The following IRAG1 variants were observed in gnomAD, a reference collection of about 807,000 sequenced individuals.
The protein encoded by IRAG1 is IP3R-associated cGMP kinase substrate.
Under a neutral mutation model 106.2 loss-of-function variants are expected in IRAG1, and 62 were observed. The observed-to-expected ratio is 0.58, with a 90% CI of 0.48 to 0.72. The LOEUF (loss-of-function observed/expected upper bound fraction) is 0.72, where lower values mean the gene tolerates loss of function less well. IRAG1 is among the 30% of genes least tolerant of loss of function. IRAG1 has a pLI of 0.00. For missense variants in IRAG1, 1,064 were observed against 1,140.7 expected (o/e 0.93, Z 0.97); for synonymous variants, 462 against 443.9 (o/e 1.04, Z -0.51).
rs1182237559 is a variant in IRAG1 at position 10,603,181 on chromosome 11, A to G, written c.1814T>C (p.Val605Ala). 2 of 1,611,208 alleles carry G rather than the reference A, an allele frequency of 1.2e-6. No homozygotes were observed. Among genetic ancestry groups the G allele is most frequent in the Non-Finnish European group, 1.7e-6 (2 of 1,178,792 alleles). ...TYQKLLEDIA[V>A]LHRLAARLSS... ...GAGGCGGGCAGCCAGGCGGTGCAGGACAGCGATGTCCTCCAGCAACTTCTG... is the reference window on the plus strand; with the variant it reads ...GAGGCGGGCAGCCAGGCGGTGCAGGGCAGCGATGTCCTCCAGCAACTTCTG... The change falls in exon 14 of 21, where the codon GTC becomes GCC. Residue 605 changes from valine (V) to alanine (A), a missense_variant. Coordinates refer to ENST00000423302, the MANE Select transcript of IRAG1 (RefSeq NM_130385.4).
In IRAG1 at chr11:10,693,648, C is replaced by G; in HGVS notation, c.-46G>C. 1 of 1,532,666 alleles carries G rather than the reference C, an allele frequency of 6.5e-7. No individual in the cohort carries two copies. The highest frequency in any genetic ancestry group is 8.7e-7 in the Non-Finnish European group (1 of 1,145,784). The allele number at this position is 1,532,666 out of a possible 1,614,324, so 94.9% of individuals were successfully genotyped here. Reference sequence around the variant, plus strand: ...GGCTCCGGAGCTCAGAGCCGAGAAGCCTCTGGCTGCAGAACCTCGGCCGCA... The same window carrying G: ...GGCTCCGGAGCTCAGAGCCGAGAAGGCTCTGGCTGCAGAACCTCGGCCGCA... On this transcript the variant is annotated 5_prime_UTR_variant, in exon 1 of 21. Transcript: ENST00000423302.
chr11:10,666,874 G>A (rs1301825922), intron 1 of IRAG1, among the ~76,000 whole-genome samples: 2 of 152,128 alleles, frequency 1.3e-5, no homozygotes, highest in Admixed American at 1.3e-4. Flanking sequence ...TAGGCACTGG[G>A]AAATCACTGG....
chr11:10,610,320 T>A (rs1403101422), intron 10 of IRAG1, among the ~76,000 whole-genome samples: 1 of 152,384 alleles, frequency 6.6e-6, no homozygotes, highest in Non-Finnish European at 1.5e-5. Context: ...TCTGATTCCA[T>A]ACCCCATAGA....
chr11:10,635,511 C>T (rs1406472067), intron 2 of IRAG1, among the ~76,000 whole-genome samples: 1 of 152,236 alleles, frequency 6.6e-6, no homozygotes, highest in Non-Finnish European at 1.5e-5. Context: ...CCACTAGCCC[C>T]ACTGGCGGTG....
At chr11:10,687,229 G>T (rs899010137) in intron 1 of IRAG1, among the ~76,000 whole-genome samples, 1 of 152,194 alleles carries the variant, frequency 6.6e-6, no homozygotes, top group African/African-American at 2.4e-5. Flanking sequence ...GACCAGCCTT[G>T]CAAGTGGGCT....
intron 18 of IRAG1, among the ~76,000 whole-genome samples, chr11:10,591,236 T>TA (rs1852628937): frequency 6.6e-6 from 1 of 152,190 alleles, no homozygotes; most frequent in Non-Finnish European, 1.5e-5. Context: ...CCTCTGGACT[T>TA]AATTAAGTCC....
Position 10,604,357 on chromosome 11 carries a change from G to A in IRAG1, c.1743+48C>T, listed in dbSNP as rs772523106. The A allele has an allele frequency of 3.1e-6, 5 of 1,611,264 alleles. No individual in the cohort carries two copies. The East Asian group carries it at 8.9e-5, about 29-fold the overall frequency. On this transcript the variant is annotated intron_variant, in intron 13 of 20. Coordinates refer to ENST00000423302, the MANE Select transcript of IRAG1 (RefSeq NM_130385.4). ...AGCATGACACCCTGTATGGCCCTTGGGGACAGTCTCTGCTCCAGGGATTCC... is the reference window on the plus strand; with the variant it reads ...AGCATGACACCCTGTATGGCCCTTGAGGACAGTCTCTGCTCCAGGGATTCC...
chr11:10,669,235 T>G (rs1860026760), intron 1 of IRAG1, among the ~76,000 whole-genome samples: 1 of 152,188 alleles, frequency 6.6e-6, no homozygotes. Context: ...AGAAGAGAAC[T>G]AGGATTTCCA....
intron 9 of IRAG1, among the ~76,000 whole-genome samples, chr11:10,624,558 C>T (rs1184159653): frequency 1.3e-5 from 2 of 152,126 alleles, no homozygotes; most frequent in African/African-American, 4.8e-5. Context: ...GCCCCTGTGA[C>T]TTATGGATCT....
intron 1 of IRAG1, among the ~76,000 whole-genome samples, chr11:10,673,704 A>C (rs539007424): frequency 6.6e-6 from 1 of 152,294 alleles, no homozygotes; most frequent in African/African-American, 2.4e-5. Context: ...TCCATTAAAA[A>C]AAAAAGAGAA....
At chr11:10,631,649 C>T (rs935719830) in intron 4 of IRAG1, among the ~76,000 whole-genome samples, 4 of 152,194 alleles carry the variant, frequency 2.6e-5, no homozygotes, top group African/African-American at 9.7e-5. Context: ...GGGCAGCCGG[C>T]CTTACACTCA....
chr11:10,618,751 G>T (rs1004232089), intron 10 of IRAG1, among the ~76,000 whole-genome samples: 3 of 152,212 alleles, frequency 2.0e-5, no homozygotes, highest in Admixed American at 1.3e-4. Flanking sequence ...CCGAAGGCAG[G>T]CCAAAATATT....
rs1190586624 is a variant in IRAG1, at chr11:10,629,725, A to G, written c.401-14T>C. 4.3e-6 allele frequency: 7 copies of G among 1,611,016 alleles called. No individual in the cohort carries two copies. In the African/African-American group the frequency reaches 9.4e-5, roughly 22 times the overall value. The stretch of plus-strand genomic sequence containing the variant: ...GCCCCGCGGGGTCTGCAGAAGGAGG[A>G]TGAGCTGGGGTGAGAGCCACTGCAT... On this transcript the variant is annotated splice_polypyrimidine_tract_variant and intron_variant, in intron 4 of 20. Transcript: ENST00000423302.
intron 1 of IRAG1, among the ~76,000 whole-genome samples, chr11:10,688,202 G>A (rs1861807227): frequency 6.6e-6 from 1 of 152,056 alleles, no homozygotes; most frequent in Non-Finnish European, 1.5e-5. Context: ...CAGATTAGGT[G>A]CAGCTCAAGG....
At chr11:10,662,089 C>G (rs148275541) in intron 1 of IRAG1, among the ~76,000 whole-genome samples, 1 of 152,078 alleles carries the variant, frequency 6.6e-6, no homozygotes, top group African/African-American at 2.4e-5. Context: ...TGAATGACAC[C>G]GTATTTCTAA....
chr11:10,680,554 G>A (rs1446404488), intron 1 of IRAG1, among the ~76,000 whole-genome samples: 1 of 144,972 alleles, frequency 6.9e-6, no homozygotes, highest in South Asian at 2.3e-4. Context: ...AGGGGAAGGG[G>A]AAGGGGAAGG....
intron 2 of IRAG1, among the ~76,000 whole-genome samples, chr11:10,637,187 T>C (rs997431113): frequency 3.9e-5 from 6 of 152,222 alleles, no homozygotes; most frequent in Admixed American, 3.3e-4. Flanking sequence ...TTAGAACATC[T>C]ATCATCCCCT....
At chr11:10,620,700 G>A (rs1014618808) in intron 10 of IRAG1, among the ~76,000 whole-genome samples, 1 of 152,184 alleles carries the variant, frequency 6.6e-6, no homozygotes, top group Non-Finnish European at 1.5e-5. Context: ...TAATGCGTAA[G>A]AGAAAGATGT....
intron 4 of IRAG1, among the ~76,000 whole-genome samples, chr11:10,630,538 C>A (rs1459460122): frequency 1.3e-5 from 2 of 152,168 alleles, no homozygotes; most frequent in African/African-American, 4.8e-5. Flanking sequence ...TGTCTTCTAC[C>A]TAAGAGGTCC....
Sources: gnomAD v4.1 joint callset for allele counts (sites outside exome capture counted in the v4.1 genomes callset) on GRCh38, gnomAD v4.1.1 for gene constraint, MANE v1.5 for transcripts, NCBI Gene and HGNC (gene_info 2026-07-23, HGNC 2026-07-21) for gene names.